Variants in SLIT1 observed in about 807,000 individuals in gnomAD.
SLIT1 encodes the protein slit homolog 1 protein.
Under a neutral mutation model 186.1 loss-of-function variants are expected in SLIT1, and 66 were observed. That is an observed-to-expected ratio of 0.35 (90% CI 0.29 to 0.44). SLIT1 has a LOEUF of 0.44. Ranked by LOEUF, SLIT1 falls within the 20% of genes least tolerant of loss-of-function variation. SLIT1 has a pLI of 1.00. For missense variants in SLIT1, 1,638 were observed against 2,037.4 expected, an observed-to-expected ratio of 0.80 and a Z score of 3.77; for synonymous variants, 761 against 833.8, an observed-to-expected ratio of 0.91 and a Z score of 1.50.
intron 30 of SLIT1, among the ~76,000 whole-genome samples, 181 bp downstream of exon 30, chr10:97,013,560 A>G (rs1848428992): frequency 6.6e-6 from 1 of 152,150 alleles, no homozygotes; most frequent in African/African-American, 2.4e-5. Flanking sequence ...TGTGGCCACA[A>G]AGCTGTGCAC....
chr10:97,009,924 A>G (rs144933384), intron 31 of SLIT1, among the ~76,000 whole-genome samples: 1 of 152,350 alleles, frequency 6.6e-6, no homozygotes, highest in East Asian at 1.9e-4. Flanking sequence ...AATCAAAACC[A>G]CAGTGAGCTA....
At chr10:97,057,388 A>G in intron 11 of SLIT1, 107 bp from the exon 12 acceptor site, 1 of 764,864 alleles carries the variant, frequency 1.3e-6, no homozygotes. Context: ...AGCCATTTAC[A>G]TGGAGCACAT....
rs780324182 is a variant in SLIT1, at chr10:97,019,008, C to T, written c.2846G>A (p.Arg949Lys). The change falls in exon 27 of 37, where the codon AGG becomes AAG. Residue 949 changes from arginine (R) to lysine (K), a missense_variant. Coordinates refer to ENST00000266058, the MANE Select transcript of SLIT1 (RefSeq NM_003061.3). ...CTTATAGCCGCTGGGGCAGGCGCACCTGTACACCTCAAGGGGGTCGTTGTG... is the reference window on the plus strand; with the variant it reads ...CTTATAGCCGCTGGGGCAGGCGCACTTGTACACCTCAAGGGGGTCGTTGTG... ...TCHNDPLEVY[R>K]CACPSGYKGR... 5.0e-6 allele frequency: 8 copies of T among 1,613,138 alleles called. No homozygotes were observed. The South Asian group carries it at 8.8e-5, about 18-fold the overall frequency.
intron 5 of SLIT1, 21 bp downstream of exon 5, chr10:97,065,994 C>A: frequency 6.3e-7 from 1 of 1,576,364 alleles, no homozygotes; most frequent in Non-Finnish European, 8.7e-7. Flanking sequence ...ACACCCTTCT[C>A]CCTCCCAGGC....
intron 25 of SLIT1, among the ~76,000 whole-genome samples, chr10:97,029,999 T>TGGG (rs2134608035): frequency 6.6e-6 from 1 of 152,366 alleles, no homozygotes; most frequent in African/African-American, 2.4e-5. Flanking sequence ...ATTGTATGTA[T>TGGG]GTAGTACGTT....
At chr10:97,112,286 TC>T (rs1849472550) in intron 4 of SLIT1, among the ~76,000 whole-genome samples, 1 of 151,884 alleles carries the variant, frequency 6.6e-6, no homozygotes, top group South Asian at 2.1e-4. Flanking sequence ...CATCCACCAC[TC>T]CCTGACAGAG....
At chr10:97,144,426 G>A (rs1023164025) in intron 4 of SLIT1, among the ~76,000 whole-genome samples, 1 of 152,204 alleles carries the variant, frequency 6.6e-6, no homozygotes, top group African/African-American at 2.4e-5. Flanking sequence ...GAAAGAGGCT[G>A]TAGCCATTCT....
intron 4 of SLIT1, among the ~76,000 whole-genome samples, chr10:97,137,029 T>G (rs1262230646): frequency 6.6e-6 from 1 of 152,138 alleles, no homozygotes; most frequent in Non-Finnish European, 1.5e-5. Context: ...AACCTGGACT[T>G]CACACCAAGC....
chr10:97,133,793 G>T (rs1849676526), intron 4 of SLIT1, among the ~76,000 whole-genome samples: 1 of 152,132 alleles, frequency 6.6e-6, no homozygotes, highest in South Asian at 2.1e-4. Context: ...AAGCTGTGCT[G>T]AAGGGTTTGG....
intron 4 of SLIT1, among the ~76,000 whole-genome samples, chr10:97,134,192 A>G (rs78140803): frequency 6.6e-6 from 1 of 152,014 alleles, no homozygotes; most frequent in Non-Finnish European, 1.5e-5. Flanking sequence ...GTGGGAGATC[A>G]TTAGCTCACC....
intron 4 of SLIT1, among the ~76,000 whole-genome samples, chr10:97,080,313 C>A (rs1358903633): frequency 2.0e-5 from 3 of 152,168 alleles, no homozygotes; most frequent in African/African-American, 7.2e-5. Flanking sequence ...AAGGAGCTCC[C>A]TGCTACCCCC....
intron 4 of SLIT1, among the ~76,000 whole-genome samples, chr10:97,067,813 C>G (rs539230151): frequency 2.0e-5 from 3 of 152,194 alleles, no homozygotes; most frequent in African/African-American, 7.2e-5. Flanking sequence ...CACAGCCCCA[C>G]CTCCTCCTCC....
intron 4 of SLIT1, among the ~76,000 whole-genome samples, chr10:97,156,955 A>G (rs1849959477): frequency 6.6e-6 from 1 of 152,236 alleles, no homozygotes; most frequent in Non-Finnish European, 1.5e-5. Context: ...AAAACATCCC[A>G]ACTCAAAATT....
At chr10:97,044,818 G>A (rs1427880838) in intron 18 of SLIT1, among the ~76,000 whole-genome samples, 1 of 152,176 alleles carries the variant, frequency 6.6e-6, no homozygotes, top group Non-Finnish European at 1.5e-5. Flanking sequence ...CATTATACGT[G>A]AACTTCACAA....
At position 97,064,838 on chromosome 10, in the gene SLIT1, C is replaced by T; in HGVS notation, c.524G>A (p.Gly175Glu). The T allele has an allele frequency of 6.2e-7, 1 of 1,612,442 alleles. No individual in the cohort carries two copies. Among genetic ancestry groups the T allele is most frequent in the Non-Finnish European group, 8.5e-7 (1 of 1,179,274 alleles). Reference sequence around the variant, plus strand: ...CAGCCCCCGCAGAGCACGGAAGGCCCCTTCCTCAATGCAGCTGATCTGGTT... The same window carrying T: ...CAGCCCCCGCAGAGCACGGAAGGCCTCTTCCTCAATGCAGCTGATCTGGTT... ...DKNQISCIEE[G>E]AFRALRGLEV... The change falls in exon 6 of 37, where the codon GGG becomes GAG. Residue 175 changes from glycine (G) to glutamate (E), a missense_variant. Gly to Glu is a moderately conservative substitution (Grantham distance 98). Transcript: ENST00000266058.
rs142966682 is a variant in SLIT1, at chr10:97,025,491, G to A, written c.2583-4078C>T. ...GGCTGGATTTTCGGGGCTGAGGACT[G>A]CCTTGCCCTCTCTTCGGTAGTACTT... On this transcript the variant is annotated intron_variant, in intron 25 of 36. Coordinates refer to ENST00000266058, the MANE Select transcript of SLIT1 (RefSeq NM_003061.3). Among the ~76,000 whole-genome samples, 595 of 152,264 alleles carry A rather than the reference G, an allele frequency of 3.9e-3. 3 individuals are homozygous for A. The highest frequency in any genetic ancestry group is 0.014 in the Middle Eastern group (4 of 294).
intron 4 of SLIT1, among the ~76,000 whole-genome samples, chr10:97,134,582 G>C (rs756689286): frequency 5.3e-5 from 8 of 152,138 alleles, no homozygotes; most frequent in Non-Finnish European, 1.2e-4. Context: ...TGGGTGCTGT[G>C]AGCGCCTCTT....
intron 1 of SLIT1, among the ~76,000 whole-genome samples, chr10:97,169,692 G>GT (rs1347958417): frequency 6.6e-6 from 1 of 152,184 alleles, no homozygotes; most frequent in Non-Finnish European, 1.5e-5. Context: ...GCTCCCTGAG[G>GT]TTTTGCCACT....
intron 1 of SLIT1, among the ~76,000 whole-genome samples, chr10:97,177,140 C>G (rs1321966727): frequency 6.6e-6 from 1 of 152,202 alleles, no homozygotes; most frequent in African/African-American, 2.4e-5. Flanking sequence ...TTCTGTTCCA[C>G]TGCCCTCATA....
Sources: gnomAD v4.1 joint callset for allele counts (sites outside exome capture counted in the v4.1 genomes callset) on GRCh38, gnomAD v4.1.1 for gene constraint, MANE v1.5 for transcripts, NCBI Gene and HGNC (gene_info 2026-07-23, HGNC 2026-07-21) for gene names.